Variants in ARHGAP29 observed in about 807,000 individuals in gnomAD.
ARHGAP29 encodes the protein rho GTPase-activating protein 29.
ARHGAP29 carries 43 observed loss-of-function variants against 122.6 expected under a neutral mutation model. The ratio of observed to expected loss-of-function variants is 0.35; its 90% CI spans 0.27 to 0.45. The LOEUF (loss-of-function observed/expected upper bound fraction) is 0.45, where lower values mean the gene tolerates loss of function less well. Ranked by LOEUF, ARHGAP29 falls within the 20% of genes least tolerant of loss-of-function variation. The pLI is 1.00. For synonymous variants in ARHGAP29, 506 were observed against 497.1 expected (o/e 1.02, Z -0.24); for missense variants, 1,303 against 1,477.2 (o/e 0.88, Z 1.93).
At chr1:94,174,874 TCA>T (rs1239451443) in intron 22 of ARHGAP29, 125 bp from the exon 23 acceptor site, 2 of 1,072,810 alleles carry the variant, frequency 1.9e-6, no homozygotes, top group African/African-American at 3.2e-5. Context: ...AATAATATTC[TCA>T]GTTACCTATG....
chr1:94,279,043 C>G (rs1655272503), upstream of ARHGAP29, among the ~76,000 whole-genome samples: 1 of 152,212 alleles, frequency 6.6e-6, no homozygotes. Context: ...TGACTAACAA[C>G]TTGTTATTAA....
At chr1:94,183,683 G>T (rs911165232) in intron 19 of ARHGAP29, among the ~76,000 whole-genome samples, 13 of 152,184 alleles carry the variant, frequency 8.5e-5, no homozygotes, top group African/African-American at 3.1e-4. Context: ...GCCAGCCTAT[G>T]ATCCAGACAC....
chr1:94,310,109 G>A, the ARHGAP29 span, among the ~76,000 whole-genome samples: 7 of 152,094 alleles, frequency 4.6e-5, no homozygotes, highest in Non-Finnish European at 7.4e-5. Context: ...ATCAGTCCTC[G>A]AATCCTTGCT....
upstream of ARHGAP29, chr1:94,275,161 C>A (rs1655137158): frequency 6.6e-6 from 1 of 152,148 alleles, no homozygotes; most frequent in Non-Finnish European, 1.5e-5. Flanking sequence ...GGATGAGAAT[C>A]CAACTTTAAA....
chr1:94,227,611 A>G (rs1042313744), intron 2 of ARHGAP29, among the ~76,000 whole-genome samples: 8 of 151,704 alleles, frequency 5.3e-5, no homozygotes, highest in African/African-American at 1.9e-4. Flanking sequence ...TAGCCCAATT[A>G]AAAGGCCTTT....
chr1:94,266,772 A>G (rs2100725373), intron 1 of ARHGAP29, among the ~76,000 whole-genome samples: 1 of 152,304 alleles, frequency 6.6e-6, no homozygotes, highest in South Asian at 2.1e-4. Context: ...ATCCTAAGTG[A>G]CTTGAATCAA....
At chr1:94,196,168 C>T (rs572407131) in intron 12 of ARHGAP29, among the ~76,000 whole-genome samples, 2 of 151,662 alleles carry the variant, frequency 1.3e-5, no homozygotes, top group African/African-American at 4.8e-5. Context: ...AACAACAGAA[C>T]ACACATGCTT....
chr1:94,192,737 C>G (rs1650200064), intron 12 of ARHGAP29: 1 of 151,942 alleles, frequency 6.6e-6, no homozygotes, highest in African/African-American at 2.4e-5. Flanking sequence ...CAGACCTAAG[C>G]CCCCAGCCAG....
intron 1 of ARHGAP29, among the ~76,000 whole-genome samples, chr1:94,259,521 A>G (rs1300964553): frequency 1.3e-5 from 2 of 152,226 alleles, no homozygotes; most frequent in Non-Finnish European, 2.9e-5. Flanking sequence ...GACTTAATCC[A>G]GTGACTGTTG....
chr1:94,182,907 C>A (rs1466183125), intron 19 of ARHGAP29, among the ~76,000 whole-genome samples: 2 of 152,040 alleles, frequency 1.3e-5, no homozygotes, highest in Non-Finnish European at 2.9e-5. Flanking sequence ...AAAAGAGATA[C>A]CCCAGGATGG....
chr1:94,201,992 T>G (rs1056735922), intron 11 of ARHGAP29, 135 bp from the exon 12 acceptor site: 1 of 860,984 alleles, frequency 1.2e-6, no homozygotes, highest in African/African-American at 1.7e-5. Flanking sequence ...CTGAAGTTAA[T>G]CTGTTCTGGT....
chr1:94,257,319 T>C (rs558992250), intron 1 of ARHGAP29, among the ~76,000 whole-genome samples: 2 of 152,206 alleles, frequency 1.3e-5, no homozygotes, highest in South Asian at 4.1e-4. Flanking sequence ...GGAGAATCAC[T>C]TGAACCCTGG....
chr1:94,204,689 AC>A (rs1430507091), intron 7 of ARHGAP29, among the ~76,000 whole-genome samples: 1 of 152,042 alleles, frequency 6.6e-6, no homozygotes, highest in African/African-American at 2.4e-5. Flanking sequence ...TAACTGTAAA[AC>A]ACTGAGGAAA....
chr1:94,177,988 T>C lies in ARHGAP29; in HGVS notation c.2660A>G (p.Asp887Gly), dbSNP rs1401180476. Residue 887 changes from aspartate (D) to glycine (G), a missense_variant, in exon 21 of 23, where the codon GAT becomes GGT. Coordinates refer to ENST00000260526, the MANE Select transcript of ARHGAP29 (RefSeq NM_004815.4). ...FLITYSQKIF[D>G]GSLQPQDVMC... ...AACATCTTGTGGTTGTAGGGACCCA[T>C]CGAAGATCTTCTGTGAGTAAGTAAT... 1.9e-6 allele frequency: 3 copies of C among 1,614,164 alleles called. No homozygotes were observed. The highest frequency in any genetic ancestry group is 1.7e-6 in the Non-Finnish European group (2 of 1,180,016).
At chr1:94,213,220 C>T (rs1010387006) in intron 3 of ARHGAP29, among the ~76,000 whole-genome samples, 1 of 152,138 alleles carries the variant, frequency 6.6e-6, no homozygotes, top group Non-Finnish European at 1.5e-5. Context: ...CGCTCTGTCG[C>T]CCAGGCTGGA....
intron 1 of ARHGAP29, among the ~76,000 whole-genome samples, chr1:94,269,839 G>A (rs1421621347): frequency 6.6e-6 from 1 of 152,072 alleles, no homozygotes; most frequent in Non-Finnish European, 1.5e-5. Context: ...TAATAGGTAA[G>A]TGCATGAGCT....
chr1:94,179,730 T>C lies in ARHGAP29; in HGVS notation c.2475A>G (p.Leu825=). 5 of 1,599,924 alleles carry C rather than the reference T, an allele frequency of 3.1e-6. No homozygotes were observed. The highest frequency in any genetic ancestry group is 4.3e-6 in the Non-Finnish European group (5 of 1,170,158). The change falls in exon 20 of 23, where the codon CTA becomes CTG. Residue 825 remains leucine (L), a synonymous_variant. Coordinates refer to ENST00000260526, the MANE Select transcript of ARHGAP29 (RefSeq NM_004815.4). ...FNSLHFLIVH[L]KRVVDHAEEN... is the part of the protein sequence containing the mutation. ...TAGTTATATAAAATTCTTACCGCTT[T>C]AGATGTACTATAAGGAAATGAAGAC...
the ARHGAP29 span, among the ~76,000 whole-genome samples, chr1:94,291,262 T>G: frequency 1.3e-5 from 2 of 152,138 alleles, no homozygotes; most frequent in Non-Finnish European, 1.5e-5. Context: ...TGTTTGTTTG[T>G]TTGGTTGTTT....
intron 5 of ARHGAP29, among the ~76,000 whole-genome samples, chr1:94,206,409 T>C (rs1651191831): frequency 6.6e-6 from 1 of 152,188 alleles, no homozygotes; most frequent in Non-Finnish European, 1.5e-5. Context: ...AATGCAAAAC[T>C]GATCGAGGAG....
Sources: allele counts gnomAD v4.1 joint callset (sites outside exome capture counted in the v4.1 genomes callset), GRCh38; gene constraint gnomAD v4.1.1; transcripts MANE v1.5; gene names NCBI Gene and HGNC (gene_info 2026-07-23, HGNC 2026-07-21).